HCRTR2: variants seen among roughly 807,000 people sequenced by gnomAD.
The protein encoded by HCRTR2 is hypocretin receptor 2.
In HCRTR2, 22 loss-of-function variants were observed where a neutral mutation model predicts 49.0. The ratio of observed to expected loss-of-function variants is 0.45; its 90% confidence interval spans 0.32 to 0.64. HCRTR2 has a LOEUF of 0.64. Among genes scored for constraint, HCRTR2 ranks in the 30% least tolerant of loss-of-function variants. HCRTR2 has a pLI of 0.04. For missense variants in HCRTR2, 491 were observed against 559.4 expected (o/e 0.88, Z 1.23); for synonymous variants, 236 against 205.3 (o/e 1.15, Z -1.28).
chr6:55,279,006 G>T (rs191631044), intron 5 of HCRTR2, among the ~76,000 whole-genome samples: 1 of 150,608 alleles, frequency 6.6e-6, no homozygotes, highest in Admixed American at 6.6e-5. Flanking sequence ...TACTTTTTTT[G>T]TCAATAATAT....
At chr6:55,149,618 A>G (rs1301107121) in intron 1 of HCRTR2, among the ~76,000 whole-genome samples, 1 of 152,128 alleles carries the variant, frequency 6.6e-6, no homozygotes, top group Non-Finnish European at 1.5e-5. Context: ...GGTTTTAAAT[A>G]AAGTTTGCAA....
In HCRTR2 at chr6:55,164,154, G is replaced by C. The variant is rs184775905; in HGVS notation, c.-377-10057G>C. On this transcript the variant is annotated intron_variant, in intron 1 of 7. Coordinates refer to the HCRTR2 transcript ENST00000615358. ...TGCTGGAGAGGATGTGGAGAAATAG[G>C]AACGCTTTTACACTGTTGGTGGGAG... Among the ~76,000 whole-genome samples the C allele has an allele frequency of 4.3e-3, 658 of 152,278 alleles. 6 individuals are homozygous for C. Among genetic ancestry groups the C allele is most frequent in the African/African-American group, 0.015 (616 of 41,562 alleles).
chr6:55,233,709 T>A (rs1046469025), intron 1 of HCRTR2, among the ~76,000 whole-genome samples: 1 of 151,908 alleles, frequency 6.6e-6, no homozygotes, highest in African/African-American at 2.4e-5. Context: ...GAATAACAAA[T>A]AAATAAATAA....
chr6:55,134,170 G>A (rs1396628032), intron 1 of HCRTR2, among the ~76,000 whole-genome samples: 1 of 151,574 alleles, frequency 6.6e-6, no homozygotes, highest in African/African-American at 2.4e-5. Context: ...TTCATAAGTT[G>A]GGTGATAGTC....
At chr6:55,246,639 G>C (rs565084846) in intron 1 of HCRTR2, among the ~76,000 whole-genome samples, 1 of 152,118 alleles carries the variant, frequency 6.6e-6, no homozygotes, top group East Asian at 1.9e-4. Context: ...ATATAGCTTG[G>C]TGGATAACAC....
At chr6:55,171,565 CAAGT>C (rs1764950067), upstream of HCRTR2, among the ~76,000 whole-genome samples, 1 of 151,818 alleles carries the variant, frequency 6.6e-6, no homozygotes, top group Non-Finnish European at 1.5e-5. Flanking sequence ...AAAAAGAAAA[CAAGT>C]AATAATCTGA....
At chr6:55,148,435 G>T (rs1365364898) in intron 1 of HCRTR2, among the ~76,000 whole-genome samples, 1 of 152,088 alleles carries the variant, frequency 6.6e-6, no homozygotes, top group South Asian at 2.1e-4. Context: ...GGAAATTATA[G>T]AAGTGGGCAT....
At chr6:55,245,198 C>T (rs1015045599) in intron 1 of HCRTR2, among the ~76,000 whole-genome samples, 2 of 151,596 alleles carry the variant, frequency 1.3e-5, no homozygotes, top group Admixed American at 6.6e-5. Flanking sequence ...GTGAAAACCA[C>T]ACTTAAGATA....
upstream of HCRTR2, among the ~76,000 whole-genome samples, chr6:55,171,929 A>G (rs1764956065): frequency 1.3e-5 from 2 of 152,172 alleles, no homozygotes; most frequent in South Asian, 4.1e-4. Flanking sequence ...TGCAGATGTT[A>G]ATGAATATAG....
chr6:55,237,892 T>C (rs1195258264), intron 1 of HCRTR2, among the ~76,000 whole-genome samples: 1 of 152,222 alleles, frequency 6.6e-6, no homozygotes, highest in Non-Finnish European at 1.5e-5. Flanking sequence ...GAGTATGTGG[T>C]TGAAACTGCA....
intron 1 of HCRTR2, among the ~76,000 whole-genome samples, chr6:55,211,636 T>C (rs959508737): frequency 6.6e-6 from 1 of 152,158 alleles, no homozygotes; most frequent in African/African-American, 2.4e-5. Flanking sequence ...TTTTATGACT[T>C]TTCCTTTTCA....
intron 1 of HCRTR2, among the ~76,000 whole-genome samples, chr6:55,224,750 A>G (rs1765969760): frequency 1.3e-5 from 2 of 152,228 alleles, no homozygotes. Flanking sequence ...TGTTAAGAGG[A>G]ACAAGTCAGG....
chr6:55,263,906 G>T, intron 4 of HCRTR2, 84 bp downstream of exon 4: 1 of 894,260 alleles, frequency 1.1e-6, no homozygotes. Context: ...TTTTGTCTGT[G>T]CTTTTTTTTT....
At chr6:55,278,334 C>A (rs1025548674) in intron 5 of HCRTR2, among the ~76,000 whole-genome samples, 2 of 152,216 alleles carry the variant, frequency 1.3e-5, no homozygotes, top group African/African-American at 4.8e-5. Context: ...TCCACATAGA[C>A]TGGTCCCAAG....
At chr6:55,230,861 C>A (rs961517611) in intron 1 of HCRTR2, among the ~76,000 whole-genome samples, 1 of 145,740 alleles carries the variant, frequency 6.9e-6, no homozygotes, top group Non-Finnish European at 1.5e-5. Flanking sequence ...TTTTTTTTTA[C>A]GGTTCATTTC....
intron 1 of HCRTR2, among the ~76,000 whole-genome samples, chr6:55,238,457 A>C (rs536938824): frequency 6.6e-6 from 1 of 152,288 alleles, no homozygotes; most frequent in East Asian, 1.9e-4. Flanking sequence ...GTAGTAAGAT[A>C]TTGCCATTCT....
intron 4 of HCRTR2, among the ~76,000 whole-genome samples, chr6:55,269,962 C>CA (rs1314224057): frequency 1.3e-4 from 20 of 151,476 alleles, no homozygotes; most frequent in Admixed American, 5.3e-4. Flanking sequence ...AGACTCTTGT[C>CA]AAAACAAAAA....
chr6:55,180,444 T>G (rs539378275), intron 1 of HCRTR2, among the ~76,000 whole-genome samples: 1 of 152,366 alleles, frequency 6.6e-6, no homozygotes, highest in African/African-American at 2.4e-5. Context: ...GTTTTTCTGA[T>G]AGACTACAGT....
rs1765004444 is a variant in HCRTR2 at position 55,174,627 on chromosome 6, A to C, written c.40A>C (p.Asn14His). ...TKLEDSPPCR[N>H]WSSASELNET... is the part of the protein sequence containing the mutation. Reference sequence around the variant, plus strand: ...ATTGGAGGACTCCCCCCCTTGTCGCAACTGGTCATCTGCTTCGGAGCTGAA... The same window carrying C: ...ATTGGAGGACTCCCCCCCTTGTCGCCACTGGTCATCTGCTTCGGAGCTGAA... The change falls in exon 1 of 7, where the codon AAC becomes CAC. Residue 14 changes from asparagine to histidine, a missense_variant. Physicochemically the swap from Asn to His is moderately conservative, Grantham distance 68. Coordinates refer to ENST00000370862, the MANE Select transcript of HCRTR2 (RefSeq NM_001384272.1). 6.2e-7 allele frequency: 1 copy of C among 1,613,856 alleles called. No homozygotes were observed. The highest frequency in any genetic ancestry group is 8.5e-7 in the Non-Finnish European group (1 of 1,179,994).
Sources: allele counts gnomAD v4.1 joint callset (sites outside exome capture counted in the v4.1 genomes callset), GRCh38; gene constraint gnomAD v4.1.1; transcripts MANE v1.5; gene names NCBI Gene and HGNC (gene_info 2026-07-23, HGNC 2026-07-21).